SRGAP2: variants seen among roughly 807,000 people sequenced by gnomAD.
SRGAP2 encodes the protein SLIT-ROBO Rho GTPase-activating protein 2.
In SRGAP2, 15 loss-of-function variants were observed where a neutral mutation model predicts 57.2. That is an observed-to-expected ratio of 0.26 (90% CI 0.18 to 0.40). The LOEUF is 0.40. Ranked by LOEUF, SRGAP2 falls within the 10% of genes least tolerant of loss-of-function variation. The pLI is 1.00. For missense variants in SRGAP2, 520 were observed against 669.6 expected (o/e 0.78, Z 2.47); for synonymous variants, 249 against 248.0 (o/e 1.00, Z -0.04).
At chr1:206,442,739 A>G (rs1439411283) in intron 17 of SRGAP2, among the ~76,000 whole-genome samples, 3 of 152,254 alleles carry the variant, frequency 2.0e-5, no homozygotes, top group African/African-American at 7.2e-5. Flanking sequence ...CTAAAATAAT[A>G]AATAGAATGC....
At chr1:206,278,427 C>T (rs1163664321) in intron 2 of SRGAP2, among the ~76,000 whole-genome samples, 1 of 140,574 alleles carries the variant, frequency 7.1e-6, no homozygotes, top group Non-Finnish European at 1.5e-5. Flanking sequence ...TAGCTCATTG[C>T]AGCCTCCAAC....
chr1:206,255,928 G>A (rs1325141772), intron 2 of SRGAP2, among the ~76,000 whole-genome samples: 2 of 148,512 alleles, frequency 1.3e-5, no homozygotes, highest in South Asian at 2.2e-4. Context: ...CTATGTGTTC[G>A]CTCCAGTCCT....
chr1:206,449,650 C>T (rs547999130), intron 18 of SRGAP2, among the ~76,000 whole-genome samples: 10 of 152,068 alleles, frequency 6.6e-5, no homozygotes, highest in Non-Finnish European at 1.2e-4. Context: ...CCCTCCAACC[C>T]GTAATTGGAT....
At chr1:206,332,628 C>A (rs1674449135) in intron 3 of SRGAP2, among the ~76,000 whole-genome samples, 1 of 142,732 alleles carries the variant, frequency 7.0e-6, no homozygotes, top group Non-Finnish European at 1.5e-5. Flanking sequence ...GCATTCTTCA[C>A]GTAGTTCTCG....
At chr1:206,457,776 C>G (rs1421237085) in intron 21 of SRGAP2, among the ~76,000 whole-genome samples, 1 of 152,244 alleles carries the variant, frequency 6.6e-6, no homozygotes, top group Admixed American at 6.5e-5. Flanking sequence ...TCCACCTCAA[C>G]TCCTGCCTCA....
intron 17 of SRGAP2, among the ~76,000 whole-genome samples, chr1:206,440,438 G>T (rs1365492437): frequency 6.6e-6 from 1 of 152,168 alleles, no homozygotes; most frequent in Non-Finnish European, 1.5e-5. Flanking sequence ...TGAGAAGACA[G>T]TGTACAAGCA....
chr1:206,245,154 T>C (rs1273118104), intron 2 of SRGAP2, among the ~76,000 whole-genome samples: 2 of 135,026 alleles, frequency 1.5e-5, no homozygotes, highest in African/African-American at 2.8e-5. Flanking sequence ...GTGGTAACCA[T>C]GTCAGAGCCA....
chr1:206,432,535 C>T (rs551556836), intron 14 of SRGAP2, among the ~76,000 whole-genome samples: 1 of 152,230 alleles, frequency 6.6e-6, no homozygotes, highest in African/African-American at 2.4e-5. Context: ...AATGCCCATA[C>T]ATAGAGGAGT....
intron 4 of SRGAP2, among the ~76,000 whole-genome samples, chr1:206,356,896 T>C (rs1473276358): frequency 7.4e-5 from 11 of 148,198 alleles, no homozygotes; most frequent in African/African-American, 2.8e-4. Context: ...GTTTTCTTTT[T>C]TTTTTTCCTT....
intron 18 of SRGAP2, among the ~76,000 whole-genome samples, chr1:206,447,448 C>T (rs1240949937): frequency 2.0e-5 from 3 of 152,156 alleles, no homozygotes; most frequent in Non-Finnish European, 2.9e-5. Context: ...TTAGTAATAC[C>T]AGTGACATCC....
chr1:206,341,744 TC>T (rs1553335272), intron 3 of SRGAP2, among the ~76,000 whole-genome samples: 1 of 152,192 alleles, frequency 6.6e-6, no homozygotes, highest in Non-Finnish European at 1.5e-5. Flanking sequence ...ACTCCTATAA[TC>T]CCAGCATTTT....
At chr1:206,344,843 G>T (rs1675505147) in intron 4 of SRGAP2, among the ~76,000 whole-genome samples, 1 of 151,696 alleles carries the variant, frequency 6.6e-6, no homozygotes, top group African/African-American at 2.4e-5. Context: ...TATACAAGGT[G>T]TGGGGCATAT....
chr1:206,265,679 T>C (rs1669799565), intron 2 of SRGAP2, among the ~76,000 whole-genome samples: 1 of 150,462 alleles, frequency 6.6e-6, no homozygotes, highest in Admixed American at 6.6e-5. Context: ...AAAGAGCATG[T>C]GGATATTTTT....
chr1:206,442,992 A>G (rs1004812124), intron 17 of SRGAP2, among the ~76,000 whole-genome samples: 2 of 152,206 alleles, frequency 1.3e-5, no homozygotes, highest in Non-Finnish European at 2.9e-5. Flanking sequence ...AAAAGCTAAT[A>G]TCTCAGTTTC....
intron 3 of SRGAP2, among the ~76,000 whole-genome samples, chr1:206,310,572 T>C (rs1553323798): frequency 6.6e-6 from 1 of 152,168 alleles, no homozygotes; most frequent in Non-Finnish European, 1.5e-5. Flanking sequence ...GCCCTTATCT[T>C]AGTAGTACAG....
At chr1:206,256,697 A>C (rs1401431844) in intron 2 of SRGAP2, among the ~76,000 whole-genome samples, 27 of 150,224 alleles carry the variant, frequency 1.8e-4, no homozygotes, top group Admixed American at 6.6e-5. Flanking sequence ...TTCTCCTGCC[A>C]TTCTTTTAGA....
intron 21 of SRGAP2, 190 bp from the exon 22 acceptor site, chr1:206,458,433 C>G (rs1664010296): frequency 1.4e-6 from 1 of 713,876 alleles, no homozygotes; most frequent in South Asian, 1.5e-5. Flanking sequence ...TCTCCTTCAC[C>G]CAGCTTGGGG....
At chr1:206,421,688 G>A (rs1660324005) in intron 13 of SRGAP2, among the ~76,000 whole-genome samples, 1 of 152,172 alleles carries the variant, frequency 6.6e-6, no homozygotes, top group African/African-American at 2.4e-5. Context: ...TTGTTTGATT[G>A]TTTCCGGTGG....
At chr1:206,257,738 A>C (rs1258348926) in intron 2 of SRGAP2, among the ~76,000 whole-genome samples, 1 of 117,940 alleles carries the variant, frequency 8.5e-6, no homozygotes, top group Non-Finnish European at 1.8e-5. Flanking sequence ...AGCAGACTAT[A>C]TATATACATA....
Sources: gnomAD v4.1 joint callset for allele counts (sites outside exome capture counted in the v4.1 genomes callset) on GRCh38, gnomAD v4.1.1 for gene constraint, MANE v1.5 for transcripts, NCBI Gene and HGNC (gene_info 2026-07-23, HGNC 2026-07-21) for gene names.